Variants in FBLN5 observed in about 807,000 individuals in gnomAD.
FBLN5 encodes fibulin-5.
Under a neutral mutation model 61.6 loss-of-function variants are expected in FBLN5, and 24 were observed. The ratio of observed to expected loss-of-function variants is 0.39; its 90% CI spans 0.28 to 0.55. FBLN5 has a LOEUF of 0.55. Ranked by LOEUF, FBLN5 falls within the 20% of genes least tolerant of loss-of-function variation. The pLI is 0.65. For missense variants in FBLN5, 470 were observed against 594.1 expected (o/e 0.79, Z 2.17); for synonymous variants, 213 against 219.8 (o/e 0.97, Z 0.27).
intron 4 of FBLN5, among the ~76,000 whole-genome samples, chr14:91,907,967 A>C (rs141053967): frequency 7.2e-5 from 11 of 152,284 alleles, no homozygotes; most frequent in African/African-American, 1.2e-4. Context: ...TTAAAAAAAA[A>C]CCAAAAAACC....
At chr14:91,942,352 C>A (rs868740410) in intron 2 of FBLN5, among the ~76,000 whole-genome samples, 2 of 152,206 alleles carry the variant, frequency 1.3e-5, no homozygotes, top group South Asian at 4.1e-4. Context: ...TGGGTAACAC[C>A]CACTTCCTCT....
rs537709091 is a variant in FBLN5, at chr14:91,902,335, G to A, written c.380-7263C>T. On this transcript the variant is annotated intron_variant, in intron 4 of 10. Transcript: ENST00000342058. ...TGAGGCTTTGGCCATTATCATGAAT[G>A]TAAAGCAAACAGACGTGGAGTTCAA... is the stretch of plus-strand genomic sequence containing the variant. 2.8e-5 allele frequency among the ~76,000 whole-genome samples: 4 copies of A among 141,410 alleles called. No homozygotes were observed. In the South Asian group the frequency reaches 9.2e-4, roughly 33 times the overall value. 92.8% of individuals were successfully genotyped at this position (141,410 alleles called of 152,430 possible).
chr14:91,944,177 C>T (rs2056149622), intron 1 of FBLN5, among the ~76,000 whole-genome samples: 1 of 152,120 alleles, frequency 6.6e-6, no homozygotes, highest in African/African-American at 2.4e-5. Context: ...ACTAAAAATA[C>T]AAAAATTTGC....
chr14:91,880,531 G>T (rs1186032377), intron 9 of FBLN5, among the ~76,000 whole-genome samples: 1 of 39,502 alleles, frequency 2.5e-5, no homozygotes, highest in African/African-American at 8.4e-5. Flanking sequence ...GCGTGCGTGT[G>T]TGTGTGTGTG....
At chr14:91,944,804 G>A (rs2056158983) in intron 1 of FBLN5, among the ~76,000 whole-genome samples, 1 of 152,248 alleles carries the variant, frequency 6.6e-6, no homozygotes. Flanking sequence ...AGTGGGAGGG[G>A]AAGATGGGGA....
At position 91,945,164 on chromosome 14, in the gene FBLN5, G is replaced by C. The variant is rs186723360; in HGVS notation, c.17+2049C>G. Among the ~76,000 whole-genome samples, 439 of 151,718 alleles carry C rather than the reference G, an allele frequency of 2.9e-3. 1 individual carries two copies. The highest frequency in any genetic ancestry group is 0.014 in the Middle Eastern group (4 of 294). ...ACAAATCACTTGAACCCAGGAGGCAGAGGTTGCAGGGAGCCGAGATTGCGC... is the reference window on the plus strand; with the variant it reads ...ACAAATCACTTGAACCCAGGAGGCACAGGTTGCAGGGAGCCGAGATTGCGC... On this transcript the variant is annotated intron_variant, in intron 1 of 10. Coordinates refer to ENST00000342058, the MANE Select transcript of FBLN5 (RefSeq NM_006329.4).
chr14:91,886,257 G>T (rs1160061325), intron 7 of FBLN5, among the ~76,000 whole-genome samples: 23 of 152,214 alleles, frequency 1.5e-4, no homozygotes, highest in Admixed American at 1.2e-3. Flanking sequence ...GATGCCAGAA[G>T]TGGCTGAAAT....
intron 5 of FBLN5, 124 bp from the exon 6 acceptor site, chr14:91,891,461 G>A (rs749089248): frequency 6.6e-6 from 5 of 761,142 alleles, no homozygotes; most frequent in Admixed American, 1.7e-5. Flanking sequence ...GGGAACAGGA[G>A]CCAAGACAGT....
intron 10 of FBLN5, among the ~76,000 whole-genome samples, chr14:91,871,690 C>T (rs1201205065): frequency 6.6e-6 from 1 of 152,078 alleles, no homozygotes; most frequent in African/African-American, 2.4e-5. Flanking sequence ...AACCCCATCT[C>T]TACTAAAACT....
intron 4 of FBLN5, among the ~76,000 whole-genome samples, chr14:91,935,800 G>T (rs149391058): frequency 5.3e-5 from 8 of 152,272 alleles, no homozygotes; most frequent in Admixed American, 3.9e-4. Context: ...GGCTTGACCG[G>T]ACCCTGCGCT....
intron 6 of FBLN5, among the ~76,000 whole-genome samples, chr14:91,888,729 C>T (rs974809608): frequency 1.7e-4 from 26 of 151,994 alleles, no homozygotes; most frequent in East Asian, 5.8e-4. Context: ...AACAAGGACA[C>T]ACAGTGGGAA....
At chr14:91,918,774 T>A (rs932798275) in intron 4 of FBLN5, among the ~76,000 whole-genome samples, 1 of 152,174 alleles carries the variant, frequency 6.6e-6, no homozygotes, top group Non-Finnish European at 1.5e-5. Flanking sequence ...GCAAACATTA[T>A]TGACCCTGTT....
intron 5 of FBLN5, among the ~76,000 whole-genome samples, chr14:91,893,392 G>C (rs1043487307): frequency 6.6e-6 from 1 of 152,220 alleles, no homozygotes; most frequent in Admixed American, 6.5e-5. Flanking sequence ...CCATGTGCAA[G>C]CCTGGAAAGG....
At chr14:91,924,013 C>T (rs1264962333) in intron 4 of FBLN5, among the ~76,000 whole-genome samples, 1 of 152,168 alleles carries the variant, frequency 6.6e-6, no homozygotes, top group Non-Finnish European at 1.5e-5. Context: ...GCCAAACCAC[C>T]CGACTCCCGC....
intron 5 of FBLN5, 97 bp downstream of exon 5, chr14:91,894,849 AGCTT>A: frequency 9.7e-7 from 1 of 1,027,418 alleles, no homozygotes. Flanking sequence ...AGCAAAGAAA[AGCTT>A]ACTACCCTCA....
At chr14:91,944,067 T>C (rs557410823) in intron 1 of FBLN5, among the ~76,000 whole-genome samples, 1 of 152,184 alleles carries the variant, frequency 6.6e-6, no homozygotes, top group East Asian at 1.9e-4. Context: ...TGGTGGCTCA[T>C]GCCTGTAATC....
At chr14:91,886,034 A>G (rs1889710906) in intron 7 of FBLN5, among the ~76,000 whole-genome samples, 1 of 152,152 alleles carries the variant, frequency 6.6e-6, no homozygotes, top group Non-Finnish European at 1.5e-5. Flanking sequence ...GTTTCATGGG[A>G]CGCTGTCCCC....
intron 10 of FBLN5, 23 bp downstream of exon 10, chr14:91,877,464 C>A (rs1889221752): frequency 6.3e-7 from 1 of 1,590,420 alleles, no homozygotes; most frequent in South Asian, 1.1e-5. Context: ...CAGATGGCGT[C>A]CCCACTCCCC....
chr14:91,885,276 T>C (rs892885634), intron 7 of FBLN5, among the ~76,000 whole-genome samples: 1 of 152,118 alleles, frequency 6.6e-6, no homozygotes, highest in African/African-American at 2.4e-5. Context: ...TGGGGCAAAA[T>C]GAGTCAACTG....
Sources: gnomAD v4.1 joint callset for allele counts (sites outside exome capture counted in the v4.1 genomes callset) on GRCh38, gnomAD v4.1.1 for gene constraint, MANE v1.5 for transcripts, NCBI Gene and HGNC (gene_info 2026-07-23, HGNC 2026-07-21) for gene names.